Variants in LDLRAD4 observed in about 807,000 individuals in gnomAD.
The protein encoded by LDLRAD4 is low-density lipoprotein receptor class A domain-containing protein 4.
LDLRAD4 carries 5 observed loss-of-function variants against 17.0 expected under a neutral mutation model. That is an observed-to-expected ratio of 0.29 (90% CI 0.15 to 0.62). LDLRAD4 has a LOEUF of 0.62. Among genes scored for constraint, LDLRAD4 ranks in the 20% least tolerant of loss-of-function variants. The pLI, the probability that LDLRAD4 is intolerant of heterozygous loss-of-function variation, is 0.84. For synonymous variants in LDLRAD4, 168 were observed against 171.8 expected (o/e 0.98, Z 0.17); for missense variants, 340 against 424.7 (o/e 0.80, Z 1.75).
chr18:13,483,819 G>A (rs1249199486), intron 3 of LDLRAD4, among the ~76,000 whole-genome samples: 1 of 152,150 alleles, frequency 6.6e-6, no homozygotes, highest in African/African-American at 2.4e-5. Context: ...TTACCCAGCA[G>A]TACTCACTAG....
intron 3 of LDLRAD4, among the ~76,000 whole-genome samples, chr18:13,477,448 T>C (rs895927311): frequency 6.6e-6 from 1 of 152,204 alleles, no homozygotes; most frequent in African/African-American, 2.4e-5. Flanking sequence ...CACCTGCCTC[T>C]ATCAGGCGGG....
intron 2 of LDLRAD4, chr18:13,420,897 A>G (rs1600136283): frequency 1.3e-5 from 2 of 152,364 alleles, no homozygotes; most frequent in African/African-American, 4.8e-5. Context: ...ATCTCAGTGC[A>G]CAGGGAGCCT....
In LDLRAD4 at chr18:13,398,278, A is replaced by G. The variant is rs2086867158; in HGVS notation, c.40+10516A>G. ...ATACAAACTTTTCCATGTGTACCTT[A>G]GATAACCTCACTGGCGTTTGTCATT... On this transcript the variant is annotated intron_variant, in intron 2 of 5. Coordinates refer to ENST00000359446, the Ensembl canonical transcript of LDLRAD4. This position sits in a 1 kb window ranked among gnomAD's most constrained non-coding sequence, Gnocchi z 4.8. Among the ~76,000 whole-genome samples, 1 of 152,182 alleles carries G rather than the reference A, an allele frequency of 6.6e-6. No homozygotes were observed. The highest frequency in any genetic ancestry group is 1.5e-5 in the Non-Finnish European group (1 of 68,038).
chr18:13,257,124 GC>G, intron 1 of LDLRAD4, among the ~76,000 whole-genome samples: 1 of 152,322 alleles, frequency 6.6e-6, no homozygotes, highest in Admixed American at 6.5e-5. Flanking sequence ...GAGTCATGCC[GC>G]GCTGGAGGGT....
intron 1 of LDLRAD4, among the ~76,000 whole-genome samples, chr18:13,335,036 A>G (rs2143854356): frequency 6.6e-6 from 1 of 152,102 alleles, no homozygotes; most frequent in African/African-American, 2.4e-5. Context: ...AGTCTTTTTC[A>G]TTATGTGACT....
Position 13,222,320 on chromosome 18 carries a change from C to T in LDLRAD4, c.-467+3332C>T, listed in dbSNP as rs557217639. Among the ~76,000 whole-genome samples the T allele has an allele frequency of 2.2e-3, 330 of 150,602 alleles. 2 individuals carry two copies. Among genetic ancestry groups the T allele is most frequent in the Non-Finnish European group, 3.6e-3 (243 of 67,622 alleles). ...TTGTTGGTTTTTTTTTCTTTTTCTT[C>T]CTTTTTTTTTTGGAAGAGGAAGAGA... is the stretch of plus-strand genomic sequence containing the variant. On this transcript the variant is annotated intron_variant, in intron 1 of 5. Coordinates refer to the LDLRAD4 transcript ENST00000399848.
chr18:13,465,985 A>C (rs951503727), intron 3 of LDLRAD4, among the ~76,000 whole-genome samples: 1 of 152,184 alleles, frequency 6.6e-6, no homozygotes, highest in Admixed American at 6.5e-5. Flanking sequence ...GTGTTACTCC[A>C]GGAGGGCAGA....
Position 13,554,455 on chromosome 18 carries a change from T to A in LDLRAD4, c.182-66662T>A, listed in dbSNP as rs190988706. Reference sequence around the variant, plus strand: ...AAAATGTAGCTTTAAATGGAGCCTTTTCTGTTAATATTTTTTTTCACCTTT... The same window carrying A: ...AAAATGTAGCTTTAAATGGAGCCTTATCTGTTAATATTTTTTTTCACCTTT... On this transcript the variant is annotated intron_variant, in intron 3 of 5. Transcript: ENST00000359446. Among the ~76,000 whole-genome samples the A allele has an allele frequency of 1.6e-3, 248 of 152,266 alleles. 2 individuals carry two copies. The highest frequency in any genetic ancestry group is 8.9e-3 in the East Asian group (46 of 5,186).
At chr18:13,624,002 A>T (rs1396821677) in intron 4 of LDLRAD4, among the ~76,000 whole-genome samples, 1 of 152,198 alleles carries the variant, frequency 6.6e-6, no homozygotes, top group African/African-American at 2.4e-5. Context: ...AGTGTCTGGC[A>T]TCATAAGGGG....
intron 3 of LDLRAD4, among the ~76,000 whole-genome samples, chr18:13,593,405 T>C (rs77753140): frequency 9.2e-5 from 14 of 151,730 alleles, no homozygotes; most frequent in Non-Finnish European, 1.9e-4. Flanking sequence ...TTTGTCTTCC[T>C]GTCCTTTCCT....
chr18:13,547,133 T>C (rs2094376832), intron 3 of LDLRAD4, among the ~76,000 whole-genome samples: 2 of 152,218 alleles, frequency 1.3e-5, no homozygotes, highest in Admixed American at 1.3e-4. Flanking sequence ...GTTAACCTGC[T>C]TTCTGTTACT....
intron 3 of LDLRAD4, among the ~76,000 whole-genome samples, chr18:13,589,895 T>G (rs1183774890): frequency 6.6e-6 from 1 of 152,068 alleles, no homozygotes; most frequent in Non-Finnish European, 1.5e-5. Context: ...CCGGGGGTGC[T>G]GGGCCTGCCC....
intron 1 of LDLRAD4, among the ~76,000 whole-genome samples, chr18:13,258,003 C>G (rs530450346): frequency 6.6e-6 from 1 of 152,300 alleles, no homozygotes; most frequent in South Asian, 2.1e-4. Context: ...AGGCTGTGAT[C>G]ATACCACTGC....
chr18:13,609,702 G>A (rs1334650705), intron 3 of LDLRAD4, among the ~76,000 whole-genome samples: 4 of 152,234 alleles, frequency 2.6e-5, no homozygotes, highest in Non-Finnish European at 4.4e-5. Flanking sequence ...GCCGGGCGTG[G>A]TGGCTCACAC....
At chr18:13,271,512 A>G (rs1236753603) in intron 1 of LDLRAD4, among the ~76,000 whole-genome samples, 1 of 152,210 alleles carries the variant, frequency 6.6e-6, no homozygotes, top group African/African-American at 2.4e-5. Context: ...TGAAGACCAA[A>G]GAGTCCGGGT....
intron 4 of LDLRAD4, among the ~76,000 whole-genome samples, chr18:13,629,381 C>T (rs924949030): frequency 1.3e-5 from 2 of 152,214 alleles, no homozygotes; most frequent in South Asian, 4.1e-4. Context: ...GAGTTACAAA[C>T]TGATCTGTAG....
intron 3 of LDLRAD4, among the ~76,000 whole-genome samples, chr18:13,583,767 C>T (rs1008333719): frequency 3.4e-4 from 51 of 152,032 alleles, no homozygotes; most frequent in African/African-American, 1.1e-3. Flanking sequence ...CGAGCCAGGG[C>T]GCTGCGGCTC....
At chr18:13,235,711 G>A (rs529195462) in intron 1 of LDLRAD4, among the ~76,000 whole-genome samples, 1 of 152,340 alleles carries the variant, frequency 6.6e-6, no homozygotes, top group African/African-American at 2.4e-5. Flanking sequence ...GGTTGGATGA[G>A]TCGACTTTAT....
intron 3 of LDLRAD4, among the ~76,000 whole-genome samples, chr18:13,484,341 T>C (rs2093167184): frequency 6.6e-6 from 1 of 152,240 alleles, no homozygotes; most frequent in Admixed American, 6.5e-5. Flanking sequence ...TAAAATACTT[T>C]CTAGGCTGGG....
Sources: gnomAD v4.1 joint callset for allele counts (sites outside exome capture counted in the v4.1 genomes callset) on GRCh38, gnomAD v4.1.1 for gene constraint, Gnocchi (gnomAD v3.1) non-coding constraint, MANE v1.5 for transcripts, NCBI Gene and HGNC (gene_info 2026-07-23, HGNC 2026-07-21) for gene names.